Variants in NLGN4X observed in about 807,000 individuals in gnomAD.
NLGN4X encodes the protein neuroligin 4 X-linked, also known as neuroligin-4, X-linked.
A neutral mutation model predicts 40.3 loss-of-function variants in NLGN4X; 3 were observed. That is an observed-to-expected ratio of 0.07 (90% CI 0.03 to 0.19). The LOEUF (loss-of-function observed/expected upper bound fraction) is 0.19, where lower values mean the gene tolerates loss of function less well. Ranked by LOEUF, NLGN4X falls within the 10% of genes least tolerant of loss-of-function variation. The pLI is 1.00. For synonymous variants in NLGN4X, 270 were observed against 306.8 expected, an observed-to-expected ratio of 0.88 and a Z score of 1.25; for missense variants, 382 against 708.3, an observed-to-expected ratio of 0.54 and a Z score of 5.23.
intron 3 of NLGN4X, among the ~76,000 whole-genome samples, chrX:5,998,017 T>C (rs1299471005): frequency 8.9e-6 from 1 of 111,956 alleles, no homozygotes; most frequent in Non-Finnish European, 1.9e-5. Context: ...AGTCTAACTT[T>C]GCTTAATACA....
At chrX:6,037,927 A>G (rs1252053938) in intron 2 of NLGN4X, among the ~76,000 whole-genome samples, 1 of 111,863 alleles carries the variant, frequency 8.9e-6, no homozygotes, top group Non-Finnish European at 1.9e-5. Flanking sequence ...CAGACTGCCC[A>G]TGACACATGG....
rs767057631 is a variant in NLGN4X at position 6,117,298 on chromosome X, G to T, written c.472+33697C>A. On this transcript the variant is annotated intron_variant, in intron 2 of 5. Transcript: ENST00000381095. ...TACTCATGGAGCATCACCTGTGGCT[G>T]GTTCAATCTACCTCCTACCTCCTCT... Among the ~76,000 whole-genome samples the T allele has an allele frequency of 1.2e-4, 13 of 110,891 alleles. No homozygotes were observed. The East Asian group carries it at 3.7e-3, about 32-fold the overall frequency.
chrX:6,193,018 G>A (rs986151948), intron 1 of NLGN4X, among the ~76,000 whole-genome samples: 1 of 111,795 alleles, frequency 8.9e-6, no homozygotes, highest in African/African-American at 3.3e-5. Context: ...AGTGGTTCCC[G>A]AGTCCAACGG....
rs1444144825 is a variant in NLGN4X at position 6,050,388 on chromosome X, CTATT to C, written c.473-20960_473-20957del. Among the ~76,000 whole-genome samples, 4 of 111,180 alleles carry C rather than the reference CTATT, an allele frequency of 3.6e-5. No individual in the cohort carries two copies. The East Asian group carries it at 8.6e-4, about 24-fold the overall frequency. On this transcript the variant is annotated intron_variant, in intron 2 of 5. Transcript: ENST00000381095. ...GTCCTCTACCTACCTACCTGTCTGTCTATTTACCTATCTACCTGTCTATTCATCT... is the reference window on the plus strand; with the variant it reads ...GTCCTCTACCTACCTACCTGTCTGTCTACCTATCTACCTGTCTATTCATCT...
At chrX:5,938,499 TTTGAG>T (rs2033805671) in intron 3 of NLGN4X, among the ~76,000 whole-genome samples, 2 of 111,266 alleles carry the variant, frequency 1.8e-5, no homozygotes, top group South Asian at 7.6e-4. Flanking sequence ...TGGCTTTGCT[TTTGAG>T]TTTAGAATTG....
intron 2 of NLGN4X, among the ~76,000 whole-genome samples, chrX:6,041,662 G>A (rs1772562579): frequency 8.9e-6 from 1 of 112,408 alleles, no homozygotes. Context: ...TGTTAAATAA[G>A]GTCTCCCTGT....
intron 3 of NLGN4X, among the ~76,000 whole-genome samples, chrX:5,954,846 T>C (rs1421449232): frequency 9.0e-6 from 1 of 111,126 alleles, no homozygotes; most frequent in East Asian, 2.8e-4. Context: ...CATGTTTCTA[T>C]GACAGTAAGG....
At chrX:5,977,377 T>C (rs903498984) in intron 3 of NLGN4X, among the ~76,000 whole-genome samples, 4 of 109,947 alleles carry the variant, frequency 3.6e-5, no homozygotes, top group African/African-American at 1.3e-4. Flanking sequence ...CATATCACCA[T>C]GCCTGGCTAA....
At chrX:5,965,010 C>T (rs189005966) in intron 3 of NLGN4X, among the ~76,000 whole-genome samples, 7 of 111,837 alleles carry the variant, frequency 6.3e-5, no homozygotes, top group Admixed American at 4.8e-4. Context: ...ACATAGAACA[C>T]GGAACAGGCA....
intron 1 of NLGN4X, among the ~76,000 whole-genome samples, chrX:6,195,860 C>T (rs915371988): frequency 5.4e-5 from 6 of 111,222 alleles, no homozygotes; most frequent in African/African-American, 2.0e-4. Flanking sequence ...ACGATCACAG[C>T]TGGCTGTAAT....
chrX:5,978,511 T>C (rs2035279610), intron 3 of NLGN4X, among the ~76,000 whole-genome samples: 1 of 111,139 alleles, frequency 9.0e-6, no homozygotes, highest in African/African-American at 3.3e-5. Context: ...AATTTACATG[T>C]CTGAGATGCC....
intron 3 of NLGN4X, among the ~76,000 whole-genome samples, chrX:5,916,101 A>G (rs138161739): frequency 1.3e-3 from 140 of 111,867 alleles, no homozygotes; most frequent in African/African-American, 4.2e-3. Context: ...CCAGTGTAAG[A>G]GAATGGGTAA....
intron 1 of NLGN4X, among the ~76,000 whole-genome samples, chrX:6,195,327 G>T (rs1922944839): frequency 8.9e-6 from 1 of 112,132 alleles, no homozygotes; most frequent in Non-Finnish European, 1.9e-5. Context: ...CTATAAAAGT[G>T]GAGCCAGAAC....
chrX:6,156,034 TC>T (rs2040255698), intron 1 of NLGN4X, among the ~76,000 whole-genome samples: 1 of 112,089 alleles, frequency 8.9e-6, no homozygotes, highest in Non-Finnish European at 1.9e-5. Context: ...GACCTAGCAA[TC>T]ACATTACTGG....
intron 3 of NLGN4X, among the ~76,000 whole-genome samples, chrX:5,941,185 GTGTGTGT>G (rs2033930282): frequency 3.4e-5 from 1 of 29,098 alleles, no homozygotes; most frequent in Admixed American, 4.3e-4. Context: ...TAGGGGGTGT[GTGTGTGT>G]GTGTGTGTGT....
At chrX:5,978,062 G>T (rs968445350) in intron 3 of NLGN4X, among the ~76,000 whole-genome samples, 2 of 112,036 alleles carry the variant, frequency 1.8e-5, no homozygotes, top group Non-Finnish European at 3.8e-5. Context: ...GGAATTGGAT[G>T]GAATTGGATG....
intron 3 of NLGN4X, among the ~76,000 whole-genome samples, chrX:5,920,850 A>G (rs1334539395): frequency 1.8e-5 from 2 of 110,874 alleles, no homozygotes; most frequent in Non-Finnish European, 3.8e-5. Flanking sequence ...CTGGGCTTTG[A>G]GGTTACTGAA....
intron 3 of NLGN4X, among the ~76,000 whole-genome samples, chrX:5,936,822 G>C (rs905075536): frequency 8.9e-6 from 1 of 111,990 alleles, no homozygotes; most frequent in Non-Finnish European, 1.9e-5. Context: ...GTTAAATCAC[G>C]AGTGGCAGAG....
In NLGN4X at chrX:6,115,715, T is replaced by C. The variant is rs1174727950; in HGVS notation, c.472+35280A>G. 2.7e-5 allele frequency among the ~76,000 whole-genome samples: 3 copies of C among 111,602 alleles called. 1 individual carries two copies. Among genetic ancestry groups the C allele is most frequent in the African/African-American group, 9.8e-5 (3 of 30,636 alleles). On this transcript the variant is annotated intron_variant, in intron 2 of 5. Transcript: ENST00000381095. ...TGGATGCTTTCTGTAGTGGGAGAAA[T>C]GTTTTTAGAACTGGAGAGGTAAGGA... is the stretch of plus-strand genomic sequence containing the variant.
Sources: allele counts gnomAD v4.1 joint callset (sites outside exome capture counted in the v4.1 genomes callset), GRCh38; gene constraint gnomAD v4.1.1; transcripts MANE v1.5; gene names NCBI Gene and HGNC (gene_info 2026-07-23, HGNC 2026-07-21).